Variants in SH3GL1 observed in about 807,000 individuals in gnomAD.
SH3GL1 encodes endophilin-A2.
A neutral mutation model predicts 48.8 loss-of-function variants in SH3GL1; 21 were observed. The ratio of observed to expected loss-of-function variants is 0.43; its 90% CI spans 0.30 to 0.62. The LOEUF is 0.62. SH3GL1 is among the 20% of genes least tolerant of loss of function. The probability of loss-of-function intolerance (pLI) is 0.11; values close to 1 mark genes in which losing one functional copy is unlikely to be tolerated. For missense variants in SH3GL1, 454 were observed against 503.0 expected, an observed-to-expected ratio of 0.90 and a Z score of 0.93; for synonymous variants, 282 against 217.5, an observed-to-expected ratio of 1.30 and a Z score of -2.61.
intron 1 of SH3GL1, among the ~76,000 whole-genome samples, chr19:4,381,165 CCT>C (rs146253340): frequency 0.014 from 1,914 of 134,656 alleles, 17 homozygotes; most frequent in Middle Eastern, 0.021. Context: ...CTCTGTCTCC[CCT>C]GACTCTCTCT....
chr19:4,385,193 T>A (rs780621258), intron 1 of SH3GL1, among the ~76,000 whole-genome samples: 43 of 151,264 alleles, frequency 2.8e-4, no homozygotes, highest in Admixed American at 1.3e-4. Flanking sequence ...CAACCCTGCG[T>A]GTTTTGGCGC....
At chr19:4,366,066 C>G (rs539309559) in intron 3 of SH3GL1, among the ~76,000 whole-genome samples, 1 of 152,172 alleles carries the variant, frequency 6.6e-6, no homozygotes, top group African/African-American at 2.4e-5. Context: ...GCCCCCTGTC[C>G]GTGGCCTCCT....
At chr19:4,396,401 AAAAC>A (rs932126482) in intron 1 of SH3GL1, among the ~76,000 whole-genome samples, 18 of 152,312 alleles carry the variant, frequency 1.2e-4, no homozygotes, top group African/African-American at 2.9e-4. Context: ...CTCCGTCTCA[AAAAC>A]AAACAAACAA....
chr19:4,383,613 G>A (rs1282798648), intron 1 of SH3GL1, among the ~76,000 whole-genome samples: 1 of 152,108 alleles, frequency 6.6e-6, no homozygotes, highest in Non-Finnish European at 1.5e-5. Flanking sequence ...ACTCCTGCCT[G>A]AGAGAACTGC....
Position 4,372,783 on chromosome 19 carries a change from A to G in SH3GL1, c.46-5789T>C, listed in dbSNP as rs73539284. Among the ~76,000 whole-genome samples the G allele has an allele frequency of 6.7e-3, 1,021 of 152,318 alleles. 15 individuals carry two copies. The highest frequency in any genetic ancestry group is 0.023 in the African/African-American group (975 of 41,574). On this transcript the variant is annotated intron_variant, in intron 1 of 9. Coordinates refer to ENST00000269886, the MANE Select transcript of SH3GL1 (RefSeq NM_003025.4). ...CTGCTGCCCAGCGACACAGGAAGCC[A>G]CTGGCCTTCGTGTCCCCTTTTCCAT... is the stretch of plus-strand genomic sequence containing the variant.
chr19:4,374,954 G>C (rs927353829), intron 1 of SH3GL1, among the ~76,000 whole-genome samples: 6 of 152,206 alleles, frequency 3.9e-5, no homozygotes, highest in Non-Finnish European at 8.8e-5. Context: ...CGCTGTCCCA[G>C]CACATGGTGG....
At chr19:4,387,582 C>T (rs972843228) in intron 1 of SH3GL1, among the ~76,000 whole-genome samples, 11 of 151,896 alleles carry the variant, frequency 7.2e-5, no homozygotes, top group Admixed American at 6.6e-4. Context: ...AGAATCACCA[C>T]GTCCAGCCCG....
At chr19:4,381,251 CCTCTCT>C (rs144899979) in intron 1 of SH3GL1, among the ~76,000 whole-genome samples, 1 of 102,758 alleles carries the variant, frequency 9.7e-6, no homozygotes, top group East Asian at 3.5e-4. Flanking sequence ...GTCCCCTCTG[CCTCTCT>C]CTGTCCCCCT....
intron 1 of SH3GL1, among the ~76,000 whole-genome samples, chr19:4,385,899 C>T (rs915599040): frequency 1.3e-5 from 2 of 152,218 alleles, no homozygotes; most frequent in African/African-American, 4.8e-5. Context: ...CCGACAGCTC[C>T]AAGGCTCCTC....
At chr19:4,365,379 A>T in intron 4 of SH3GL1, 103 bp downstream of exon 4, 1 of 1,481,074 alleles carries the variant, frequency 6.8e-7, no homozygotes, top group Non-Finnish European at 9.4e-7. Flanking sequence ...GGGCCACTGT[A>T]CGTCCCCGGC....
At chr19:4,382,071 G>T (rs182054670) in intron 1 of SH3GL1, among the ~76,000 whole-genome samples, 2 of 152,026 alleles carry the variant, frequency 1.3e-5, no homozygotes, top group African/African-American at 4.8e-5. Flanking sequence ...CTCTATTCTG[G>T]GGGTTCTGGG....
At chr19:4,394,849 C>T (rs1037395470) in intron 1 of SH3GL1, among the ~76,000 whole-genome samples, 5 of 152,190 alleles carry the variant, frequency 3.3e-5, no homozygotes, top group African/African-American at 9.7e-5. Flanking sequence ...TCCTTTGCAG[C>T]GGGGGGAAGC....
rs1345880991 is a variant in SH3GL1, at chr19:4,362,728, T to G, written c.737A>C (p.Glu246Ala). 6.2e-7 allele frequency: 1 copy of G among 1,613,818 alleles called. No homozygotes were observed. The highest frequency in any genetic ancestry group is 1.3e-5 in the African/African-American group (1 of 74,944). The change falls in exon 8 of 10, where the codon GAA becomes GCA. Residue 246 changes from glutamate to alanine, a missense_variant. Glu to Ala is a moderately radical substitution (Grantham distance 107). Around this residue, in one of 2 missense-constraint regions of SH3GL1, gnomAD observed 278 missense variants for 246.8 expected, o/e 1.13. Transcript: ENST00000269886. ...LAEKLKRRMREASSRPKREYK... is the reference protein window; with the variant it reads ...LAEKLKRRMRAASSRPKREYK... ...CTCCCGCTTAGGGCGTGAGGAAGCT[T>G]CCCGCATCCTGTGAAGGGAGAGGCG...
At chr19:4,366,659 C>CT (rs1972787533) in intron 2 of SH3GL1, 86 bp from the exon 3 acceptor site, 1 of 1,297,980 alleles carries the variant, frequency 7.7e-7, no homozygotes, top group African/African-American at 1.5e-5. Flanking sequence ...GCCTCCTGCC[C>CT]TAAGAGCCCA....
Position 4,367,484 on chromosome 19 carries a change from G to C in SH3GL1, c.46-490C>G, listed in dbSNP as rs2144870231. On this transcript the variant is annotated intron_variant, in intron 1 of 9. Coordinates refer to ENST00000269886, the MANE Select transcript of SH3GL1 (RefSeq NM_003025.4). This position sits in a 1 kb window ranked among gnomAD's most constrained non-coding sequence, Gnocchi z 4.2. ...CAGCAGGAGCTGACAGTTACGAGAA[G>C]AGGTGCAGGCAGCCGGGCAGGGAGG... Among the ~76,000 whole-genome samples the C allele has an allele frequency of 2.0e-5, 3 of 152,280 alleles. No homozygotes were observed. The Middle Eastern group carries it at 0.01, about 518-fold the overall frequency.
chr19:4,361,885 G>A (rs1972626741), intron 9 of SH3GL1, 89 bp from the exon 10 acceptor site: 2 of 978,112 alleles, frequency 2.0e-6, no homozygotes, highest in Non-Finnish European at 3.1e-6. Context: ...CCTGGAGCGT[G>A]TGGGTGGGCA....
rs767584323 is a variant in SH3GL1, at chr19:4,361,674, C to T, written c.1033G>A (p.Glu345Lys). 14 of 1,612,884 alleles carry T rather than the reference C, an allele frequency of 8.7e-6. No individual in the cohort carries two copies. The highest frequency in any genetic ancestry group is 1.0e-5 in the Non-Finnish European group (12 of 1,179,838). The change falls in exon 10 of 10, where the codon GAG (glutamate) becomes AAG (lysine). Residue 345 changes from glutamate (E) to lysine (K), a missense_variant. Physicochemically the swap from Glu to Lys is moderately conservative, Grantham distance 56 (BLOSUM62 1). Transcript: ENST00000269886. ...CCCGACTGGCCGTCCAGCATGCCCT[C>T]GTACCAGTTCTCATCGATCTGGTTG... ...LTNQIDENWY[E>K]GMLDGQSGFF... is the part of the protein sequence containing the mutation.
At chr19:4,370,509 T>TG (rs772095760) in intron 1 of SH3GL1, among the ~76,000 whole-genome samples, 5 of 151,824 alleles carry the variant, frequency 3.3e-5, no homozygotes, top group African/African-American at 4.8e-5. Context: ...GCAGGGTGGG[T>TG]GGGGGCCCCC....
rs1051006587 is a variant in SH3GL1 at position 4,363,127 on chromosome 19, G to A, written c.728+243C>T. Among the ~76,000 whole-genome samples the A allele has an allele frequency of 9.9e-5, 15 of 152,172 alleles. No homozygotes were observed. In the East Asian group the frequency reaches 1.3e-3, roughly 14 times the overall value. ...TGGGTGTTCCTGTGGCAGCAGCAAC[G>A]TGCAGCCAGGGAGGGAGTCCCCGGG... On this transcript the variant is annotated intron_variant, in intron 7 of 9. Coordinates refer to ENST00000269886, the MANE Select transcript of SH3GL1 (RefSeq NM_003025.4).
Sources: gnomAD v4.1 joint callset for allele counts (sites outside exome capture counted in the v4.1 genomes callset) on GRCh38, gnomAD v4.1.1 for gene constraint, gnomAD v4.1.1 regional missense constraint, Gnocchi (gnomAD v3.1) non-coding constraint, MANE v1.5 for transcripts, NCBI Gene and HGNC (gene_info 2026-07-23, HGNC 2026-07-21) for gene names.